CASP8: variants seen among roughly 807,000 people sequenced by gnomAD.
CASP8 encodes caspase-8.
A neutral mutation model predicts 46.3 loss-of-function variants in CASP8; 24 were observed. That is an observed-to-expected ratio of 0.52 (90% CI 0.38 to 0.73). The LOEUF (loss-of-function observed/expected upper bound fraction) is 0.73, where lower values mean the gene tolerates loss of function less well. Among genes scored for constraint, CASP8 ranks in the 30% least tolerant of loss-of-function variants. The probability of loss-of-function intolerance (pLI) is 0.00; values close to 1 mark genes in which losing one functional copy is unlikely to be tolerated. For synonymous variants in CASP8, 188 were observed against 200.4 expected, an observed-to-expected ratio of 0.94 and a Z score of 0.52; for missense variants, 460 against 559.0, an observed-to-expected ratio of 0.82 and a Z score of 1.79.
chr2:201,255,169 C>T (rs1285482152), intron 2 of CASP8, among the ~76,000 whole-genome samples: 8 of 152,124 alleles, frequency 5.3e-5, no homozygotes, highest in Non-Finnish European at 7.4e-5. Context: ...CTGCAACCTC[C>T]GCCTCCTGGG....
intron 7 of CASP8, among the ~76,000 whole-genome samples, chr2:201,282,822 A>T (rs1333247223): frequency 2.9e-5 from 2 of 68,286 alleles, no homozygotes; most frequent in African/African-American, 4.6e-5. Flanking sequence ...AGGGGGGCTG[A>T]CCCCCCCACC....
chr2:201,259,961 GT>G (rs1218120536), upstream of CASP8, among the ~76,000 whole-genome samples: 1 of 145,554 alleles, frequency 6.9e-6, no homozygotes, highest in Non-Finnish European at 1.5e-5. Flanking sequence ...TCATTTTAGA[GT>G]TTTTTCTTTT....
intron 2 of CASP8, among the ~76,000 whole-genome samples, chr2:201,253,963 C>T (rs1220392053): frequency 5.9e-5 from 9 of 152,054 alleles, no homozygotes; most frequent in African/African-American, 2.2e-4. Flanking sequence ...CACCTGTAAT[C>T]CCAGCTACTC....
intron 5 of CASP8, among the ~76,000 whole-genome samples, chr2:201,273,626 CAA>C (rs992273087): frequency 1.3e-5 from 2 of 152,046 alleles, no homozygotes; most frequent in African/African-American, 4.8e-5. Context: ...GAGGCTGAAC[CAA>C]GAGAGAGAGC....
chr2:201,251,429 TA>T (rs997039265), intron 2 of CASP8, among the ~76,000 whole-genome samples: 11 of 151,112 alleles, frequency 7.3e-5, no homozygotes, highest in African/African-American at 1.9e-4. Context: ...TCATCTCTAC[TA>T]AAAAAAATAC....
upstream of CASP8, among the ~76,000 whole-genome samples, chr2:201,259,896 A>AT (rs1437290291): frequency 7.0e-6 from 1 of 143,194 alleles, no homozygotes; most frequent in Non-Finnish European, 1.6e-5. Context: ...TTCTTTTTAG[A>AT]TTTTTTTCAT....
chr2:201,282,814 G>A (rs1259169140), intron 7 of CASP8, among the ~76,000 whole-genome samples: 1 of 90,958 alleles, frequency 1.1e-5, no homozygotes, highest in Non-Finnish European at 2.7e-5. Flanking sequence ...CGGCCGGAAG[G>A]GGGGCTGACC....
chr2:201,272,838 C>G lies in CASP8; in HGVS notation c.551-60C>G, dbSNP rs751827308. The G allele has an allele frequency of 6.2e-7, 1 of 1,613,214 alleles. No individual in the cohort carries two copies. The highest frequency in any genetic ancestry group is 1.1e-5 in the South Asian group (1 of 91,068). ...TACTCTAAAATTGAAACTGACAAAT[C>G]GCTCCATATCACAGTTGTTTCTAAT... On this transcript the variant is annotated intron_variant, in intron 4 of 8. Transcript: ENST00000673742. This position sits in a 1 kb window ranked among gnomAD's most constrained non-coding sequence, Gnocchi z 4.4.
rs1949026341 is a variant in CASP8 at position 201,281,729 on chromosome 2, T to C, written c.803-3087T>C. 17 of 565,252 alleles carry C rather than the reference T, an allele frequency of 3.0e-5. No individual in the cohort carries two copies. The Admixed American group carries it at 4.5e-4, about 15-fold the overall frequency. The allele number at this position is 565,252 out of a possible 1,614,324, so 35.0% of individuals were successfully genotyped here. On this transcript the variant is annotated intron_variant, in intron 7 of 8. Coordinates refer to ENST00000673742, the MANE Select transcript of CASP8 (RefSeq NM_001372051.1). ...GTAAATAATATAATCATTTTTAAAA[T>C]TGGTTCAGTAGTAAGCCTAAATGAT...
chr2:201,258,188 A>G, upstream of CASP8: 3 of 1,602,408 alleles, frequency 1.9e-6, no homozygotes, highest in Non-Finnish European at 2.6e-6. Flanking sequence ...GTTTTTTTTC[A>G]AGCCCTGCTG....
At chr2:201,247,708 G>C (rs962681539) in intron 2 of CASP8, among the ~76,000 whole-genome samples, 2 of 151,682 alleles carry the variant, frequency 1.3e-5, no homozygotes, top group African/African-American at 2.4e-5. Flanking sequence ...GCAGTGGTGC[G>C]ATCTCGGCTC....
chr2:201,275,926 T>C (rs888403497), intron 6 of CASP8, among the ~76,000 whole-genome samples: 8 of 152,154 alleles, frequency 5.3e-5, no homozygotes, highest in African/African-American at 1.9e-4. Flanking sequence ...GCTTAATAAA[T>C]ACTTAGAACA....
At chr2:201,278,665 T>C (rs1328039812) in intron 7 of CASP8, among the ~76,000 whole-genome samples, 4 of 152,112 alleles carry the variant, frequency 2.6e-5, no homozygotes, top group South Asian at 2.1e-4. Context: ...GCCTCCCAAG[T>C]AGCTGGGATT....
At chr2:201,250,796 A>G (rs188508793) in intron 2 of CASP8, among the ~76,000 whole-genome samples, 7 of 152,380 alleles carry the variant, frequency 4.6e-5, no homozygotes, top group African/African-American at 1.2e-4. Flanking sequence ...CTAAAGTTCC[A>G]TAGTTTCCAT....
At chr2:201,246,500 CAT>C (rs912670583) in intron 2 of CASP8, among the ~76,000 whole-genome samples, 6 of 152,180 alleles carry the variant, frequency 3.9e-5, no homozygotes, top group Non-Finnish European at 7.3e-5. Flanking sequence ...GTGAAAAAAA[CAT>C]ATTATTATGC....
intron 2 of CASP8, among the ~76,000 whole-genome samples, chr2:201,239,907 C>T (rs1235099945): frequency 6.6e-6 from 1 of 152,216 alleles, no homozygotes; most frequent in Admixed American, 6.5e-5. Context: ...AGATCTGGCT[C>T]TCTTTTGCCC....
At chr2:201,283,715 G>A (rs1949328071) in intron 7 of CASP8, among the ~76,000 whole-genome samples, 1 of 83,776 alleles carries the variant, frequency 1.2e-5, no homozygotes, top group African/African-American at 3.8e-5. Flanking sequence ...CCTCCCGGAC[G>A]GGGCGGCTGG....
At chr2:201,250,284 C>A (rs6435071) in intron 2 of CASP8, among the ~76,000 whole-genome samples, 1 of 152,150 alleles carries the variant, frequency 6.6e-6, no homozygotes, top group East Asian at 1.9e-4. Context: ...TTGCAAATTC[C>A]TTCACCTTAA....
chr2:201,247,271 T>C (rs1286748461), intron 2 of CASP8, among the ~76,000 whole-genome samples: 2 of 150,852 alleles, frequency 1.3e-5, no homozygotes, highest in Non-Finnish European at 2.9e-5. Flanking sequence ...CTGTTGAGGA[T>C]GTGTGTCTGG....
Sources: gnomAD v4.1 joint callset for allele counts (sites outside exome capture counted in the v4.1 genomes callset) on GRCh38, gnomAD v4.1.1 for gene constraint, Gnocchi (gnomAD v3.1) non-coding constraint, MANE v1.5 for transcripts, NCBI Gene and HGNC (gene_info 2026-07-23, HGNC 2026-07-21) for gene names.